Variants in TDP2 observed in about 807,000 individuals in gnomAD.
TDP2 encodes 5'-Tyr-DNA phosphodiesterase.
TDP2 carries 38 observed loss-of-function variants against 42.8 expected under a neutral mutation model. That is an observed-to-expected ratio of 0.89 (90% CI 0.68 to 1.16). The LOEUF (loss-of-function observed/expected upper bound fraction) is 1.16. TDP2 is among the 50% of genes most tolerant of loss of function. The probability of loss-of-function intolerance (pLI) is 0.00; values close to 1 mark genes in which losing one functional copy is unlikely to be tolerated. For missense variants in TDP2, 439 were observed against 439.3 expected (o/e 1.00, Z 0.01); for synonymous variants, 173 against 150.6 (o/e 1.15, Z -1.09).
At chr6:24,661,824 G>A (rs1273506929) in intron 2 of TDP2, among the ~76,000 whole-genome samples, 2 of 151,210 alleles carry the variant, frequency 1.3e-5, no homozygotes, top group Non-Finnish European at 3.0e-5. Flanking sequence ...TTACTGTGGG[G>A]GAAAGAGAGA....
chr6:24,650,892 T>G lies in TDP2; in HGVS notation c.985A>C (p.Ile329Leu). The G allele has an allele frequency of 6.2e-7, 1 of 1,614,142 alleles. No individual in the cohort carries two copies. The highest frequency in any genetic ancestry group is 2.2e-5 in the East Asian group (1 of 44,870). ...FFRAAAEEGH[I>L]IPRSLDLLGL... is the part of the protein sequence containing the mutation. ...AGAAGGTCCAAACTTCGGGGAATAA[T>G]GTGTCCCTCTTCTGCTGCTGCTCTG... Residue 329 changes from isoleucine (I) to leucine (L), a missense_variant, in exon 7 of 7, where the codon ATT becomes CTT. Ile to Leu is a conservative substitution (Grantham distance 5). Coordinates refer to ENST00000378198, the MANE Select transcript of TDP2 (RefSeq NM_016614.3).
At chr6:24,662,262 G>C (rs1778162891) in intron 2 of TDP2, among the ~76,000 whole-genome samples, 1 of 151,984 alleles carries the variant, frequency 6.6e-6, no homozygotes, top group Non-Finnish European at 1.5e-5. Context: ...AGGAGGATTA[G>C]TGAAAGAAGG....
chr6:24,652,242 T>C (rs773820609), intron 6 of TDP2, among the ~76,000 whole-genome samples: 14 of 152,238 alleles, frequency 9.2e-5, no homozygotes, highest in African/African-American at 1.4e-4. Context: ...TGTATACATA[T>C]AGCACATTTT....
At position 24,649,984 on chromosome 6, in the gene TDP2, A is replaced by G. The variant is rs1375865480; in HGVS notation, c.*804T>C. The stretch of plus-strand genomic sequence containing the variant: ...ACATACTAAAACAAACCATAAACAA[A>G]TAAAATTCTTTATTTAAATTTCTCT... On this transcript the variant is annotated 3_prime_UTR_variant, in exon 7 of 7. Coordinates refer to ENST00000378198, the MANE Select transcript of TDP2 (RefSeq NM_016614.3). The G allele has an allele frequency of 6.6e-6, 1 of 152,190 alleles. No individual in the cohort carries two copies. Among genetic ancestry groups the G allele is most frequent in the Admixed American group, 6.5e-5 (1 of 15,282 alleles). The allele number at this position is 152,190 out of a possible 1,614,324, so 9.4% of individuals were successfully genotyped here. A position where few individuals can be genotyped will look rare whatever the true frequency, so the allele number is the denominator to read the frequency against.
intron 4 of TDP2, among the ~76,000 whole-genome samples, chr6:24,657,015 C>T (rs185071658): frequency 3.7e-4 from 56 of 152,168 alleles, no homozygotes; most frequent in African/African-American, 1.3e-3. Context: ...ATTAAGGAGT[C>T]GATTGAAACT....
At chr6:24,652,466 G>A (rs1777988964) in intron 6 of TDP2, among the ~76,000 whole-genome samples, 3 of 152,068 alleles carry the variant, frequency 2.0e-5, no homozygotes, top group African/African-American at 7.2e-5. Context: ...TGTCTCAACT[G>A]AGCTATAGGC....
chr6:24,657,624 A>C (rs1778077725), intron 4 of TDP2, among the ~76,000 whole-genome samples, 188 bp downstream of exon 4: 1 of 146,532 alleles, frequency 6.8e-6, no homozygotes, highest in Non-Finnish European at 1.5e-5. Context: ...TCCTTTTCAC[A>C]CTATTAATAT....
chr6:24,655,389 T>C lies in TDP2; in HGVS notation c.518-859A>G, dbSNP rs192375081. ...CTTGAGTGACTGTAGCAGAGAACCA[T>C]AGACAGGAAGCAAGCAGATTTGTTC... On this transcript the variant is annotated intron_variant, in intron 4 of 6. Coordinates refer to ENST00000378198, the MANE Select transcript of TDP2 (RefSeq NM_016614.3). 9.2e-5 allele frequency among the ~76,000 whole-genome samples: 14 copies of C among 152,184 alleles called. No individual in the cohort carries two copies. In the South Asian group the frequency reaches 1.7e-3, roughly 18 times the overall value.
rs577601258 is a variant in TDP2 at position 24,652,929 on chromosome 6, T to G, written c.807+54A>C. 1.2e-3 allele frequency: 1,963 copies of G among 1,591,592 alleles called. 2 individuals are homozygous for G. Among genetic ancestry groups the G allele is most frequent in the Non-Finnish European group, 1.6e-3 (1,894 of 1,168,488 alleles). On this transcript the variant is annotated intron_variant, in intron 6 of 6. Coordinates refer to ENST00000378198, the MANE Select transcript of TDP2 (RefSeq NM_016614.3). ...CAGCTTTGGTCAAAGGAACCTAAAT[T>G]AGTCTCCATAGCAATAATCTGTCCT...
At position 24,650,946 on chromosome 6, in the gene TDP2, A is replaced by G. The variant is rs1777963665; in HGVS notation, c.931T>C (p.Cys311Arg). 1.9e-6 allele frequency: 3 copies of G among 1,614,062 alleles called. No homozygotes were observed. In the African/African-American group the frequency reaches 4.0e-5, roughly 22 times the overall value. ...AATATTCGATCAAAACGAAGTTTAC[A>G]AGCAGCAGTTATTCCAAGATTAGAG... Reference protein sequence around the residue: ...MNSNLGITAACKLRFDRIFFR... With the variant: ...MNSNLGITAARKLRFDRIFFR... The change falls in exon 7 of 7, where the codon TGT becomes CGT. Residue 311 changes from cysteine to arginine, a missense_variant. By Grantham distance (180) the Cys-to-Arg change is radical. Transcript: ENST00000378198.
chr6:24,654,088 A>G (rs1272650677), intron 5 of TDP2, among the ~76,000 whole-genome samples: 1 of 152,232 alleles, frequency 6.6e-6, no homozygotes. Context: ...TATCAGAGCA[A>G]GATCTATTTT....
intron 3 of TDP2, 40 bp from the exon 4 acceptor site, chr6:24,657,943 C>G (rs768834156): frequency 2.9e-6 from 4 of 1,361,892 alleles, no homozygotes; most frequent in African/African-American, 1.5e-5. Flanking sequence ...ACCAAGTATA[C>G]CATTTCATTT....
intron 4 of TDP2, among the ~76,000 whole-genome samples, chr6:24,657,381 A>G (rs1778075268): frequency 6.6e-6 from 1 of 152,250 alleles, no homozygotes; most frequent in Non-Finnish European, 1.5e-5. Flanking sequence ...TATTTTAAAT[A>G]TATTTAGCAA....
At chr6:24,658,268 A>G (rs1032900848) in intron 3 of TDP2, among the ~76,000 whole-genome samples, 1 of 152,238 alleles carries the variant, frequency 6.6e-6, no homozygotes, top group Non-Finnish European at 1.5e-5. Context: ...GGCCAAGGTC[A>G]CAGAGCCAGC....
chr6:24,651,142 GGT>G (rs1777969074), intron 6 of TDP2, 73 bp from the exon 7 acceptor site: 2 of 1,060,306 alleles, frequency 1.9e-6, no homozygotes, highest in Non-Finnish European at 2.7e-6. Flanking sequence ...AAAAAAAAAA[GGT>G]GTTTTTGCTA....
intron 2 of TDP2, 97 bp downstream of exon 2, chr6:24,666,429 C>A (rs1778237521): frequency 1.2e-5 from 17 of 1,463,478 alleles, no homozygotes; most frequent in East Asian, 2.3e-5. Flanking sequence ...GCCTCAGCAT[C>A]GTCCGCCCAG....
At chr6:24,665,144 C>T (rs1267750158) in intron 2 of TDP2, among the ~76,000 whole-genome samples, 1 of 152,218 alleles carries the variant, frequency 6.6e-6, no homozygotes, top group African/African-American at 2.4e-5. Context: ...CAATCCTACA[C>T]TTCAACTTCC....
intron 2 of TDP2, 101 bp from the exon 3 acceptor site, chr6:24,658,835 G>A (rs1344662103): frequency 1.6e-6 from 2 of 1,266,448 alleles, no homozygotes; most frequent in Non-Finnish European, 2.2e-6. Flanking sequence ...AATTTTAAAA[G>A]AGCCCTAAAA....
In TDP2 at chr6:24,652,826, CA is replaced by C. The variant is rs1201915046; in HGVS notation, c.807+156del. ...AGAGCCCCTTCTTCCCCTAGGCATA[CA>C]GCATAGGCTAAACAAATATTCGCTG... On this transcript the variant is annotated intron_variant, in intron 6 of 6. Transcript: ENST00000378198. 3 of 746,118 alleles carry C rather than the reference CA, an allele frequency of 4.0e-6. No homozygotes were observed. In the African/African-American group the frequency reaches 5.3e-5, roughly 13 times the overall value. 46.2% of individuals were successfully genotyped at this position (746,118 alleles called of 1,614,324 possible). A position where few individuals can be genotyped will look rare whatever the true frequency, so the allele number is the denominator to read the frequency against.
Sources: gnomAD v4.1 joint callset for allele counts (sites outside exome capture counted in the v4.1 genomes callset) on GRCh38, gnomAD v4.1.1 for gene constraint, MANE v1.5 for transcripts, NCBI Gene and HGNC (gene_info 2026-07-23, HGNC 2026-07-21) for gene names.